ROR1: variants seen among roughly 807,000 people sequenced by gnomAD.
The protein encoded by ROR1 is ROR family WNT receptor 1.
ROR1 carries 19 observed loss-of-function variants against 78.8 expected under a neutral mutation model. That is an observed-to-expected ratio of 0.24 (90% CI 0.17 to 0.35). The LOEUF is 0.35. Ranked by LOEUF, ROR1 falls within the 10% of genes least tolerant of loss-of-function variation. ROR1 has a pLI of 1.00. For missense variants in ROR1, 917 were observed against 1,177.8 expected, an observed-to-expected ratio of 0.78 and a Z score of 3.24; for synonymous variants, 386 against 433.6, an observed-to-expected ratio of 0.89 and a Z score of 1.36.
intron 1 of ROR1, among the ~76,000 whole-genome samples, chr1:63,830,911 A>G (rs1413018561): frequency 6.6e-6 from 1 of 152,228 alleles, no homozygotes; most frequent in Non-Finnish European, 1.5e-5. Flanking sequence ...TCCCATTCCG[A>G]ATAGGAGAAA....
chr1:63,984,101 C>G (rs1396247553), intron 1 of ROR1, among the ~76,000 whole-genome samples: 1 of 152,076 alleles, frequency 6.6e-6, no homozygotes, highest in African/African-American at 2.4e-5. Flanking sequence ...CCTAGTTTTG[C>G]CACAGAAATG....
intron 1 of ROR1, among the ~76,000 whole-genome samples, chr1:63,787,438 TTTCCTTCCTTCC>T (rs72297365): frequency 3.4e-4 from 43 of 127,808 alleles, no homozygotes; most frequent in Middle Eastern, 3.8e-3. Flanking sequence ...ATTGCCTTTC[TTTCCTTCCTTCC>T]TTCCTTCCTT....
At chr1:63,987,085 G>A (rs796647382) in intron 1 of ROR1, among the ~76,000 whole-genome samples, 6 of 152,188 alleles carry the variant, frequency 3.9e-5, no homozygotes, top group African/African-American at 1.2e-4. Context: ...TAGCTTTTCT[G>A]TTGTTTCTGC....
At chr1:64,051,682 TA>T (rs1646833692) in intron 4 of ROR1, among the ~76,000 whole-genome samples, 1 of 152,156 alleles carries the variant, frequency 6.6e-6, no homozygotes, top group Non-Finnish European at 1.5e-5. Context: ...TCTTTCACTT[TA>T]AGAGTATCTA....
chr1:64,178,834 T>G lies in ROR1; in HGVS notation c.2793T>G (p.Ser931=). 1 of 1,613,190 alleles carries G rather than the reference T, an allele frequency of 6.2e-7. No homozygotes were observed. ...GDANIHGHTE[S]MISAEL ...CCAATATTCATGGACACACCGAATCTATGATTTCTGCAGAACTGTAAAATG... is the reference window on the plus strand; with the variant it reads ...CCAATATTCATGGACACACCGAATCGATGATTTCTGCAGAACTGTAAAATG... The change falls in exon 9 of 9, where the codon TCT becomes TCG. Residue 931 remains serine, a synonymous_variant. Coordinates refer to ENST00000371079, the MANE Select transcript of ROR1 (RefSeq NM_005012.4). The surrounding 1 kb of genome is among the most constrained non-coding windows in gnomAD (Gnocchi z 4.3).
chr1:63,968,544 A>G (rs1035894501), intron 1 of ROR1, among the ~76,000 whole-genome samples: 2 of 152,180 alleles, frequency 1.3e-5, no homozygotes, highest in African/African-American at 4.8e-5. Flanking sequence ...TCTGAAATAT[A>G]GACAATCCTG....
At position 63,950,324 on chromosome 1, in the gene ROR1, G is replaced by T. The variant is rs139705279; in HGVS notation, c.92-58981G>T. ...TTCTTGATCATATGATATATTAGGG[G>T]TGGATTATTCATGAGTTTTCTGGGA... On this transcript the variant is annotated intron_variant, in intron 1 of 8. Transcript: ENST00000371079. Among the ~76,000 whole-genome samples the T allele has an allele frequency of 3.1e-3, 467 of 152,308 alleles. 2 individuals are homozygous for T. Among genetic ancestry groups the T allele is most frequent in the African/African-American group, 0.011 (448 of 41,570 alleles).
intron 1 of ROR1, among the ~76,000 whole-genome samples, chr1:63,976,264 G>A (rs529546985): frequency 1.8e-4 from 27 of 152,266 alleles, no homozygotes; most frequent in Admixed American, 3.3e-4. Context: ...AGGAAAGGCC[G>A]ACCTGAGGAA....
chr1:63,885,754 A>G (rs917255987), intron 1 of ROR1, among the ~76,000 whole-genome samples: 1 of 152,114 alleles, frequency 6.6e-6, no homozygotes, highest in Admixed American at 6.5e-5. Context: ...GATCAATGCA[A>G]CCGAGCAGAT....
intron 1 of ROR1, among the ~76,000 whole-genome samples, chr1:63,930,611 T>A (rs1299544336): frequency 6.6e-6 from 1 of 152,192 alleles, no homozygotes; most frequent in East Asian, 1.9e-4. Context: ...GTACGACTCC[T>A]CTTGTTCATG....
intron 4 of ROR1, chr1:64,111,503 A>C (rs1370234919): frequency 6.6e-6 from 1 of 152,194 alleles, no homozygotes; most frequent in Non-Finnish European, 1.5e-5. Flanking sequence ...GTCCTCCCAC[A>C]CTTCTTAAGA....
chr1:64,136,849 T>C (rs571932478), intron 4 of ROR1, among the ~76,000 whole-genome samples: 28 of 152,220 alleles, frequency 1.8e-4, no homozygotes, highest in Admixed American at 1.4e-3. Flanking sequence ...AGGGTAGAGA[T>C]AATGGAGGTT....
intron 1 of ROR1, among the ~76,000 whole-genome samples, chr1:63,794,821 G>A (rs145843918): frequency 0.022 from 3,385 of 152,268 alleles, 50 homozygotes; most frequent in Middle Eastern, 0.082. Flanking sequence ...CTGTATGCCC[G>A]GGACTGTGCT....
intron 1 of ROR1, among the ~76,000 whole-genome samples, chr1:63,963,736 T>A (rs1261221667): frequency 6.6e-6 from 1 of 151,980 alleles, no homozygotes; most frequent in East Asian, 1.9e-4. Context: ...ACCAAGAAGA[T>A]CCAAGTAGAA....
chr1:64,121,977 C>T (rs763583066), intron 4 of ROR1, among the ~76,000 whole-genome samples: 1 of 152,208 alleles, frequency 6.6e-6, no homozygotes, highest in Non-Finnish European at 1.5e-5. Context: ...GCACCAGCTG[C>T]CACAACCTGG....
intron 4 of ROR1, among the ~76,000 whole-genome samples, chr1:64,084,060 A>C (rs572806005): frequency 1.3e-5 from 2 of 152,360 alleles, no homozygotes; most frequent in South Asian, 4.1e-4. Context: ...TAGTTCAACT[A>C]TAACTCAAGT....
chr1:64,068,331 T>C (rs1646975088), intron 4 of ROR1, among the ~76,000 whole-genome samples: 1 of 152,202 alleles, frequency 6.6e-6, no homozygotes. Context: ...ATGTAAATCA[T>C]ATTGCCATTT....
intron 1 of ROR1, among the ~76,000 whole-genome samples, chr1:63,952,165 A>G (rs1237022851): frequency 2.0e-5 from 3 of 152,152 alleles, no homozygotes; most frequent in Non-Finnish European, 4.4e-5. Flanking sequence ...TGGGAAAGGA[A>G]GGGCTCTCAC....
At chr1:63,779,067 ACGGTCTTGCTGAAACT>A (rs1200058990) in intron 1 of ROR1, among the ~76,000 whole-genome samples, 1 of 152,178 alleles carries the variant, frequency 6.6e-6, no homozygotes, top group African/African-American at 2.4e-5. Flanking sequence ...GTTCCCTAAG[ACGGTCTTGCTGAAACT>A]CAGAGATAGA....
Sources: allele counts gnomAD v4.1 joint callset (sites outside exome capture counted in the v4.1 genomes callset), GRCh38; gene constraint gnomAD v4.1.1; non-coding constraint Gnocchi (gnomAD v3.1); transcripts MANE v1.5; gene names NCBI Gene and HGNC (gene_info 2026-07-23, HGNC 2026-07-21).